The following SNX29 variants were observed in gnomAD, a reference collection of about 807,000 sequenced individuals.
SNX29 encodes sorting nexin 29.
Under a neutral mutation model 102.1 loss-of-function variants are expected in SNX29, and 78 were observed. That is an observed-to-expected ratio of 0.76 (90% CI 0.64 to 0.92). SNX29 has a LOEUF of 0.92. SNX29 is among the 40% of genes least tolerant of loss of function. SNX29 has a pLI of 0.00. For missense variants in SNX29, 1,280 were observed against 1,061.7 expected, an observed-to-expected ratio of 1.21 and a Z score of -2.86; for synonymous variants, 580 against 414.5, an observed-to-expected ratio of 1.40 and a Z score of -4.85.
At chr16:12,385,497 G>T (rs1023755615) in intron 16 of SNX29, among the ~76,000 whole-genome samples, 5 of 152,204 alleles carry the variant, frequency 3.3e-5, no homozygotes, top group African/African-American at 1.2e-4. Context: ...GCAGGGAGAA[G>T]TGAAGGAAGG....
At chr16:12,334,441 A>C (rs1169174333) in intron 15 of SNX29, among the ~76,000 whole-genome samples, 1 of 152,158 alleles carries the variant, frequency 6.6e-6, no homozygotes, top group Non-Finnish European at 1.5e-5. Context: ...TGTGTTCGGC[A>C]CCGTGCAAAC....
chr16:12,280,946 C>T (rs577200593), intron 15 of SNX29, among the ~76,000 whole-genome samples: 14 of 152,300 alleles, frequency 9.2e-5, no homozygotes, highest in Admixed American at 7.8e-4. Flanking sequence ...CTCAGTCTGT[C>T]GCCTAGGCTG....
At chr16:12,086,487 T>C (rs2052198393) in intron 11 of SNX29, among the ~76,000 whole-genome samples, 1 of 152,074 alleles carries the variant, frequency 6.6e-6, no homozygotes, top group South Asian at 2.1e-4. Flanking sequence ...CCTGGCTTAC[T>C]GCAGCCTTGA....
intron 13 of SNX29, among the ~76,000 whole-genome samples, chr16:12,137,724 C>G (rs1249830956): frequency 6.6e-6 from 1 of 152,214 alleles, no homozygotes; most frequent in Non-Finnish European, 1.5e-5. Context: ...TACATTTCTT[C>G]AGTGTCCATT....
intron 5 of SNX29, among the ~76,000 whole-genome samples, chr16:12,044,741 G>C (rs1472267043): frequency 1.3e-5 from 2 of 152,126 alleles, no homozygotes; most frequent in Non-Finnish European, 2.9e-5. Context: ...ACCATGCCTG[G>C]TTAATTTTTT....
rs759464581 is a variant in SNX29 at position 12,002,001 on chromosome 16, CAGAG to C, written c.70-984_70-981del. Among the ~76,000 whole-genome samples the C allele has an allele frequency of 2.2e-4, 30 of 135,220 alleles. 1 individual carries two copies. The highest frequency in any genetic ancestry group is 7.8e-5 in the Non-Finnish European group (5 of 63,806). 88.7% of individuals were successfully genotyped at this position (135,220 alleles called of 152,430 possible). On this transcript the variant is annotated intron_variant, in intron 2 of 20. Transcript: ENST00000566228. ...CATCACTCCCCTTCAGCCTCGGTGA[CAGAG>C]AGAGACCCTATTTTTTTTTTTTTTA...
chr16:11,990,892 T>C (rs1487505266), intron 1 of SNX29, among the ~76,000 whole-genome samples: 1 of 152,264 alleles, frequency 6.6e-6, no homozygotes, highest in African/African-American at 2.4e-5. Context: ...GCCTTCATTA[T>C]TTCTGCCAGG....
chr16:12,128,970 A>C (rs2054338309), intron 12 of SNX29, among the ~76,000 whole-genome samples: 1 of 152,222 alleles, frequency 6.6e-6, no homozygotes. Context: ...ACAAATACAC[A>C]GGTGAATCCT....
At chr16:12,433,669 G>A (rs929822271) in intron 18 of SNX29, among the ~76,000 whole-genome samples, 29 of 150,228 alleles carry the variant, frequency 1.9e-4, no homozygotes, top group African/African-American at 7.1e-4. Flanking sequence ...AGCTGGGCGT[G>A]GTGGGCGTGG....
intron 15 of SNX29, among the ~76,000 whole-genome samples, chr16:12,278,863 A>T (rs564858299): frequency 2.7e-4 from 41 of 152,338 alleles, no homozygotes; most frequent in African/African-American, 9.1e-4. Flanking sequence ...AAATTCATCC[A>T]TGTAAGTCAT....
chr16:12,215,224 G>A (rs529234875), intron 14 of SNX29, among the ~76,000 whole-genome samples: 41 of 152,158 alleles, frequency 2.7e-4, no homozygotes, highest in African/African-American at 9.4e-4. Context: ...GCTGGGCACG[G>A]CGGCTTCCAC....
intron 14 of SNX29, among the ~76,000 whole-genome samples, chr16:12,205,479 C>T (rs1217520720): frequency 2.0e-5 from 3 of 152,168 alleles, no homozygotes; most frequent in Admixed American, 2.0e-4. Context: ...AACCTCATCT[C>T]CCACCACCCT....
intron 1 of SNX29, among the ~76,000 whole-genome samples, chr16:11,996,495 A>C (rs1399818669): frequency 3.3e-5 from 5 of 152,138 alleles, no homozygotes; most frequent in Non-Finnish European, 7.4e-5. Flanking sequence ...GAGATGAAAG[A>C]GATTTTTATT....
In SNX29 at chr16:12,442,356, A is replaced by G. The variant is rs188382981; in HGVS notation, c.2038-35363A>G. Among the ~76,000 whole-genome samples the G allele has an allele frequency of 7.7e-4, 117 of 152,172 alleles. 1 individual carries two copies. Among genetic ancestry groups the G allele is most frequent in the African/African-American group, 2.6e-3 (107 of 41,516 alleles). On this transcript the variant is annotated intron_variant, in intron 18 of 20. Coordinates refer to ENST00000566228, the MANE Select transcript of SNX29 (RefSeq NM_032167.5). ...GACGTCTTGGAATCAGGAAGTGTCT[A>G]TTCACTCTCCTAACCCTGTTTCTTC...
At chr16:12,285,069 C>T (rs758072190) in intron 15 of SNX29, among the ~76,000 whole-genome samples, 2 of 152,164 alleles carry the variant, frequency 1.3e-5, no homozygotes, top group Non-Finnish European at 2.9e-5. Flanking sequence ...ACTTTTCTGC[C>T]TGTTTATAGT....
intron 14 of SNX29, among the ~76,000 whole-genome samples, chr16:12,236,526 C>T (rs545281700): frequency 1.6e-4 from 24 of 152,220 alleles, no homozygotes; most frequent in Non-Finnish European, 2.9e-4. Context: ...TGACTTTCCG[C>T]ATCCCTGAAG....
chr16:12,044,652 C>T (rs1353737775), intron 5 of SNX29, among the ~76,000 whole-genome samples: 1 of 152,144 alleles, frequency 6.6e-6, no homozygotes, highest in Non-Finnish European at 1.5e-5. Context: ...GACCTTGGCT[C>T]ACTGTAACCT....
chr16:12,551,180 C>T (rs768779413), intron 20 of SNX29, among the ~76,000 whole-genome samples: 4 of 152,096 alleles, frequency 2.6e-5, no homozygotes, highest in Non-Finnish European at 5.9e-5. Context: ...ATCGTGCAGA[C>T]TTCCCCACAG....
At chr16:12,008,386 C>T (rs776023131) in intron 3 of SNX29, among the ~76,000 whole-genome samples, 16 of 152,294 alleles carry the variant, frequency 1.1e-4, no homozygotes, top group South Asian at 8.3e-4. Flanking sequence ...TCTCTTGCCT[C>T]GGCCTTCCAG....
Sources: allele counts gnomAD v4.1 joint callset (sites outside exome capture counted in the v4.1 genomes callset), GRCh38; gene constraint gnomAD v4.1.1; transcripts MANE v1.5; gene names NCBI Gene and HGNC (gene_info 2026-07-23, HGNC 2026-07-21).